The following WIPF3 variants were observed in gnomAD, a reference collection of about 807,000 sequenced individuals.
WIPF3 encodes WAS/WASL-interacting protein family member 3.
In WIPF3, 33 loss-of-function variants were observed where a neutral mutation model predicts 38.9. The ratio of observed to expected loss-of-function variants is 0.85; its 90% CI spans 0.64 to 1.14. WIPF3 has a LOEUF of 1.14. WIPF3 is among the 50% of genes most tolerant of loss of function. The pLI is 0.00. For synonymous variants in WIPF3, 324 were observed against 269.3 expected (o/e 1.20, Z -1.99); for missense variants, 711 against 652.5 (o/e 1.09, Z -0.98).
At position 29,888,125 on chromosome 7, in the gene WIPF3, C is replaced by G; in HGVS notation, c.1157C>G (p.Thr386Arg). The G allele has an allele frequency of 6.2e-7, 1 of 1,613,952 alleles. No homozygotes were observed. Among genetic ancestry groups the G allele is most frequent in the Non-Finnish European group, 8.5e-7 (1 of 1,179,878 alleles). Residue 386 changes from threonine to arginine, a missense_variant, in exon 6 of 9, where the codon ACA becomes AGA. By Grantham distance (71) the Thr-to-Arg change is moderately conservative. Coordinates refer to ENST00000242140, the MANE Select transcript of WIPF3 (RefSeq NM_001080529.3). ...PPAPPARSPT[T>R]ELSSKSQQAT... ...GCACCCCCTGCGAGATCACCTACCA[C>G]AGAGCTTTCAAGCAAGAGCCAGCAG...
At chr7:29,851,521 C>T (rs1785096228) in intron 2 of WIPF3, among the ~76,000 whole-genome samples, 1 of 152,190 alleles carries the variant, frequency 6.6e-6, no homozygotes, top group Non-Finnish European at 1.5e-5. Flanking sequence ...TTCAAAGTAA[C>T]AATATACTTT....
intron 1 of WIPF3, among the ~76,000 whole-genome samples, chr7:29,825,569 G>C (rs1223097740): frequency 1.3e-5 from 2 of 152,126 alleles, no homozygotes; most frequent in African/African-American, 4.8e-5. Context: ...TTTCACCCTT[G>C]GGAACCACAC....
intron 8 of WIPF3, chr7:29,904,717 C>T (rs1410505806): frequency 5.2e-6 from 1 of 192,360 alleles, no homozygotes; most frequent in Non-Finnish European, 1.1e-5. Flanking sequence ...TATTCTCTCT[C>T]ATCTGTAGAA....
chr7:29,833,482 G>T (rs1784753929), intron 1 of WIPF3, among the ~76,000 whole-genome samples: 1 of 152,204 alleles, frequency 6.6e-6, no homozygotes. Context: ...GACCTTAGAA[G>T]ATTCTTGTAG....
At chr7:29,872,529 T>C (rs535444653) in intron 2 of WIPF3, among the ~76,000 whole-genome samples, 53 of 152,126 alleles carry the variant, frequency 3.5e-4, no homozygotes, top group Non-Finnish European at 6.8e-4. Flanking sequence ...CACAGTGGCT[T>C]ACGCCTGTAA....
intron 8 of WIPF3, among the ~76,000 whole-genome samples, chr7:29,907,282 T>G (rs369053596): frequency 6.6e-6 from 1 of 152,218 alleles, no homozygotes; most frequent in African/African-American, 2.4e-5. Context: ...AAGAGACTAG[T>G]GTATTTAAAA....
At chr7:29,879,281 C>A in intron 4 of WIPF3, 141 bp downstream of exon 4, 1 of 1,049,618 alleles carries the variant, frequency 9.5e-7, no homozygotes, top group Non-Finnish European at 1.3e-6. Flanking sequence ...TTCTTGGGAC[C>A]TTAAGCACTA....
At chr7:29,882,249 G>T (rs971931521) in intron 4 of WIPF3, among the ~76,000 whole-genome samples, 3 of 152,214 alleles carry the variant, frequency 2.0e-5, no homozygotes, top group African/African-American at 7.2e-5. Context: ...GGTAGGCTTT[G>T]CTCTGTTTTG....
At chr7:29,868,740 T>G (rs1209921092) in intron 2 of WIPF3, among the ~76,000 whole-genome samples, 1 of 152,146 alleles carries the variant, frequency 6.6e-6, no homozygotes, top group East Asian at 1.9e-4. Context: ...TTATGTGGTA[T>G]GGCCTGTTGC....
At chr7:29,893,070 C>CA (rs1355319260) in intron 7 of WIPF3, among the ~76,000 whole-genome samples, 2 of 149,002 alleles carry the variant, frequency 1.3e-5, no homozygotes, top group African/African-American at 5.0e-5. Flanking sequence ...CATCTAAAAA[C>CA]AAAAAACAAA....
At chr7:29,847,625 G>A (rs914104215) in intron 2 of WIPF3, among the ~76,000 whole-genome samples, 2 of 152,328 alleles carry the variant, frequency 1.3e-5, no homozygotes, top group African/African-American at 4.8e-5. Flanking sequence ...CCAGCAAGGT[G>A]TGTCTGTCTA....
chr7:29,834,591 C>T (rs1423319046), intron 1 of WIPF3, 77 bp from the exon 2 acceptor site: 3 of 1,226,494 alleles, frequency 2.4e-6, no homozygotes, highest in Non-Finnish European at 3.2e-6. Context: ...CTATAATATG[C>T]ATGTCTGCAA....
At chr7:29,912,528 A>T (rs1786523074) in intron 8 of WIPF3, 1 of 211,504 alleles carries the variant, frequency 4.7e-6, no homozygotes, top group East Asian at 1.1e-4. Context: ...AAGCAACTTG[A>T]TCCTCTTGTA....
rs1163217499 is a variant in WIPF3, at chr7:29,834,774, C to T, written c.50C>T (p.Pro17Leu). ...PPPPLPPPPP[P>L]LGAPPPPPPS... ...CCTCCTCTGCCTCCACCTCCCCCGC[C>T]TCTGGGGGCTCCTCCCCCTCCCCCA... The change falls in exon 2 of 9, where the codon CCT becomes CTT. Residue 17 changes from proline to leucine, a missense_variant. By Grantham distance (98) the Pro-to-Leu change is moderately conservative. Transcript: ENST00000242140. 4 of 1,496,420 alleles carry T rather than the reference C, an allele frequency of 2.7e-6. No individual in the cohort carries two copies. The highest frequency in any genetic ancestry group is 3.6e-6 in the Non-Finnish European group (4 of 1,114,074). 92.7% of individuals were successfully genotyped at this position (1,496,420 alleles called of 1,614,324 possible). A position where few individuals can be genotyped will look rare whatever the true frequency, so the allele number is the denominator to read the frequency against.
intron 5 of WIPF3, among the ~76,000 whole-genome samples, chr7:29,887,058 A>T (rs969277943): frequency 6.6e-6 from 1 of 152,248 alleles, no homozygotes; most frequent in Non-Finnish European, 1.5e-5. Flanking sequence ...CTGAAGGGAC[A>T]TGAGACACGA....
chr7:29,889,199 C>T (rs1360385400), intron 6 of WIPF3, 107 bp from the exon 7 acceptor site: 2 of 882,536 alleles, frequency 2.3e-6, no homozygotes, highest in East Asian at 2.6e-5. Flanking sequence ...AGCAGGCAAA[C>T]AGAAAACGGT....
chr7:29,841,536 C>A (rs1784913340), intron 2 of WIPF3, among the ~76,000 whole-genome samples: 1 of 152,180 alleles, frequency 6.6e-6, no homozygotes, highest in Non-Finnish European at 1.5e-5. Flanking sequence ...TGTTGTCTGG[C>A]ACAGTGGCTC....
chr7:29,841,552 T>A (rs1394573277), intron 2 of WIPF3, among the ~76,000 whole-genome samples: 1 of 152,218 alleles, frequency 6.6e-6, no homozygotes, highest in Non-Finnish European at 1.5e-5. Context: ...GGCTCAAGCC[T>A]GTAATCCCAG....
intron 7 of WIPF3, among the ~76,000 whole-genome samples, chr7:29,899,388 A>G (rs1047501231): frequency 2.6e-5 from 4 of 152,176 alleles, no homozygotes; most frequent in Admixed American, 2.0e-4. Flanking sequence ...AATTGTCTTC[A>G]AAGCATTTAT....
Sources: gnomAD v4.1 joint callset for allele counts (sites outside exome capture counted in the v4.1 genomes callset) on GRCh38, gnomAD v4.1.1 for gene constraint, MANE v1.5 for transcripts, NCBI Gene and HGNC (gene_info 2026-07-23, HGNC 2026-07-21) for gene names.